Variants in PIAS1 observed in about 807,000 individuals in gnomAD.
PIAS1 encodes protein inhibitor of activated STAT 1, also known as E3 SUMO-protein ligase PIAS1.
PIAS1 carries 6 observed loss-of-function variants against 71.3 expected under a neutral mutation model. The observed-to-expected ratio is 0.08, with a 90% CI of 0.05 to 0.17. The LOEUF (loss-of-function observed/expected upper bound fraction) is 0.17. PIAS1 is among the 10% of genes least tolerant of loss of function. The pLI is 1.00. For missense variants in PIAS1, 555 were observed against 793.6 expected (o/e 0.70, Z 3.61); for synonymous variants, 303 against 292.9 (o/e 1.03, Z -0.35).
At chr15:68,114,001 G>A (rs2092543254) in intron 2 of PIAS1, among the ~76,000 whole-genome samples, 1 of 148,876 alleles carries the variant, frequency 6.7e-6, no homozygotes, top group Non-Finnish European at 1.5e-5. Flanking sequence ...TCTCTCTCTT[G>A]CTCTAGCAAA....
rs530456616 is a variant in PIAS1, at chr15:68,178,571, C to T, written c.1481+1917C>T. 2.6e-5 allele frequency among the ~76,000 whole-genome samples: 4 copies of T among 152,154 alleles called. No individual in the cohort carries two copies. The South Asian group carries it at 8.3e-4, about 32-fold the overall frequency. On this transcript the variant is annotated intron_variant, in intron 11 of 13. Coordinates refer to ENST00000249636, the MANE Select transcript of PIAS1 (RefSeq NM_016166.3). This position sits in a 1 kb window ranked among gnomAD's most constrained non-coding sequence, Gnocchi z 4.2. ...AACAAGTATCTATAGAATTTCAATT[C>T]CAAGATATTTTGTAAATATCAAACC...
rs543669365 is a variant in PIAS1, at chr15:68,174,330, C to A, written c.1169+438C>A. 1.4e-4 allele frequency among the ~76,000 whole-genome samples: 21 copies of A among 152,334 alleles called. No homozygotes were observed. Among genetic ancestry groups the A allele is most frequent in the African/African-American group, 4.6e-4 (19 of 41,570 alleles). ...TCTGGAGATTAGATCCACCTTCAGT[C>A]ATGGTCTTCTTTTTCTTTTTTGTCT... On this transcript the variant is annotated intron_variant, in intron 9 of 13. Coordinates refer to ENST00000249636, the MANE Select transcript of PIAS1 (RefSeq NM_016166.3). The surrounding 1 kb of genome is among the most constrained non-coding windows in gnomAD (Gnocchi z 4.0).
rs968104531 is a variant in PIAS1, at chr15:68,167,032, G to A, written c.1008+2228G>A. Among the ~76,000 whole-genome samples the A allele has an allele frequency of 6.6e-6, 1 of 152,052 alleles. No individual in the cohort carries two copies. The highest frequency in any genetic ancestry group is 1.5e-5 in the Non-Finnish European group (1 of 68,010). ...TGTAGAGACAAGGTCTTGATATGTTGCCCAGGCTGGTCATGGACTCCTGGC... is the reference window on the plus strand; with the variant it reads ...TGTAGAGACAAGGTCTTGATATGTTACCCAGGCTGGTCATGGACTCCTGGC... On this transcript the variant is annotated intron_variant, in intron 8 of 13. Transcript: ENST00000249636. This position sits in a 1 kb window ranked among gnomAD's most constrained non-coding sequence, Gnocchi z 4.4.
In PIAS1 at chr15:68,171,032, A is replaced by G. The variant is rs1277176991; in HGVS notation, c.1009-2700A>G. 6.8e-6 allele frequency among the ~76,000 whole-genome samples: 1 copy of G among 147,830 alleles called. No homozygotes were observed. ...TTAGCTTAAAACACAAGCACATTGT[A>G]CAGCTGTACAAAAATATTTTCTTTC... On this transcript the variant is annotated intron_variant, in intron 8 of 13. Transcript: ENST00000249636. This position sits in a 1 kb window ranked among gnomAD's most constrained non-coding sequence, Gnocchi z 4.4.
chr15:68,109,844 C>T (rs1445925920), intron 2 of PIAS1, among the ~76,000 whole-genome samples: 2 of 152,154 alleles, frequency 1.3e-5, no homozygotes, highest in Admixed American at 6.5e-5. Flanking sequence ...ACTGAATAAG[C>T]ACACAAGAAA....
chr15:68,139,637 G>T (rs2141044315), intron 2 of PIAS1, among the ~76,000 whole-genome samples: 1 of 152,134 alleles, frequency 6.6e-6, no homozygotes, highest in East Asian at 1.9e-4. Context: ...ATTATTATTT[G>T]TCAGTTAATT....
At chr15:68,107,719 G>T (rs550275194) in intron 2 of PIAS1, among the ~76,000 whole-genome samples, 1 of 151,746 alleles carries the variant, frequency 6.6e-6, no homozygotes, top group Non-Finnish European at 1.5e-5. Context: ...AGATAAGATG[G>T]TCATCAGTTA....
At position 68,176,672 on chromosome 15, in the gene PIAS1, T is replaced by TAA. The variant is rs762569797; in HGVS notation, c.1481+27_1481+28dup. 1.5e-5 allele frequency: 21 copies of TAA among 1,367,432 alleles called. No individual in the cohort carries two copies. Among genetic ancestry groups the TAA allele is most frequent in the South Asian group, 3.0e-5 (2 of 67,728 alleles). The allele number at this position is 1,367,432 out of a possible 1,614,324, so 84.7% of individuals were successfully genotyped here. A position where few individuals can be genotyped will look rare whatever the true frequency, so the allele number is the denominator to read the frequency against. On this transcript the variant is annotated intron_variant, in intron 11 of 13. Coordinates refer to ENST00000249636, the MANE Select transcript of PIAS1 (RefSeq NM_016166.3). ...AATAAAGGGTAAGTGCTGAGACATT[T>TAA]AAAAAAAAAAGTAATCATGAAAATT...
chr15:68,181,266 T>C lies in PIAS1; in HGVS notation c.1536T>C (p.Pro512=). The stretch of plus-strand genomic sequence containing the variant: ...CAGTATCCCGCACCCCAAGCCTTCC[T>C]GCTGTAGACACAAGCTACATTAATA... ...ASPVSRTPSL[P]AVDTSYINTS... is the part of the protein sequence containing the mutation. Residue 512 remains proline (P), a synonymous_variant, in exon 12 of 14, where the codon CCT becomes CCC. Transcript: ENST00000249636. 1 of 1,613,678 alleles carries C rather than the reference T, an allele frequency of 6.2e-7. No homozygotes were observed. The highest frequency in any genetic ancestry group is 8.5e-7 in the Non-Finnish European group (1 of 1,179,622).
At chr15:68,061,937 A>AC (rs1305078735) in intron 1 of PIAS1, among the ~76,000 whole-genome samples, 3 of 151,736 alleles carry the variant, frequency 2.0e-5, no homozygotes, top group African/African-American at 7.3e-5. Flanking sequence ...CTGTTTGTAC[A>AC]CCCCCCATTC....
At chr15:68,160,965 T>C (rs2092920279) in intron 7 of PIAS1, among the ~76,000 whole-genome samples, 2 of 152,122 alleles carry the variant, frequency 1.3e-5, no homozygotes, top group Admixed American at 1.3e-4. Flanking sequence ...CAAGGAAAAG[T>C]TTTAAAAAAG....
intron 6 of PIAS1, among the ~76,000 whole-genome samples, chr15:68,146,985 A>G (rs1200950915): frequency 6.6e-6 from 1 of 152,198 alleles, no homozygotes; most frequent in East Asian, 1.9e-4. Context: ...CAATATGAGT[A>G]TGCCATAAAT....
chr15:68,071,786 C>CA (rs1411500212), intron 1 of PIAS1, among the ~76,000 whole-genome samples: 3 of 150,468 alleles, frequency 2.0e-5, no homozygotes, highest in African/African-American at 7.3e-5. Context: ...GCCAACTCTA[C>CA]AAAAAACAGA....
At chr15:68,147,447 A>G (rs2092815986) in intron 6 of PIAS1, among the ~76,000 whole-genome samples, 1 of 152,160 alleles carries the variant, frequency 6.6e-6, no homozygotes, top group Non-Finnish European at 1.5e-5. Flanking sequence ...AGATCTTCAT[A>G]TAGTAAAACT....
chr15:68,054,492 G>A lies in PIAS1; in HGVS notation c.24+142G>A, dbSNP rs2091872487. Reference sequence around the variant, plus strand: ...GAGTTGTAGGGAGAGAGGCGCGCCCGGTCTCAGCAGAGGGGGCCCGCCTGC... The same window carrying A: ...GAGTTGTAGGGAGAGAGGCGCGCCCAGTCTCAGCAGAGGGGGCCCGCCTGC... On this transcript the variant is annotated intron_variant, in intron 1 of 13. Coordinates refer to ENST00000249636, the MANE Select transcript of PIAS1 (RefSeq NM_016166.3). This position sits in a 1 kb window ranked among gnomAD's most constrained non-coding sequence, Gnocchi z 4.6. 2 of 842,746 alleles carry A rather than the reference G, an allele frequency of 2.4e-6. No homozygotes were observed. Among genetic ancestry groups the A allele is most frequent in the Non-Finnish European group, 3.6e-6 (2 of 553,714 alleles). The allele number at this position is 842,746 out of a possible 1,614,324, so 52.2% of individuals were successfully genotyped here. A position where few individuals can be genotyped will look rare whatever the true frequency, so the allele number is the denominator to read the frequency against.
At chr15:68,105,590 C>G (rs1219177432) in intron 2 of PIAS1, among the ~76,000 whole-genome samples, 1 of 152,170 alleles carries the variant, frequency 6.6e-6, no homozygotes, top group Non-Finnish European at 1.5e-5. Flanking sequence ...CTTCCTTTCA[C>G]TTTGCTTTCC....
At chr15:68,161,456 T>C (rs1031805541) in intron 7 of PIAS1, among the ~76,000 whole-genome samples, 1 of 151,788 alleles carries the variant, frequency 6.6e-6, no homozygotes, top group Non-Finnish European at 1.5e-5. Context: ...AGGACTAGGA[T>C]TGGGTCTGTA....
At chr15:68,179,585 T>TTTTTTTTTTTTTTTTTTTTTTTTTC (rs2093041112) in intron 11 of PIAS1, among the ~76,000 whole-genome samples, 1 of 123,462 alleles carries the variant, frequency 8.1e-6, no homozygotes, top group African/African-American at 3.2e-5. Flanking sequence ...TTTTTTTTTT[T>TTTTTTTTTTTTTTTTTTTTTTTTTC]TTTTTTTGAG....
intron 1 of PIAS1, among the ~76,000 whole-genome samples, chr15:68,067,565 A>G (rs2092042399): frequency 6.6e-6 from 1 of 152,112 alleles, no homozygotes; most frequent in South Asian, 2.1e-4. Flanking sequence ...ACTGGAGGTC[A>G]TTGTAAACTT....
Sources: allele counts gnomAD v4.1 joint callset (sites outside exome capture counted in the v4.1 genomes callset), GRCh38; gene constraint gnomAD v4.1.1; non-coding constraint Gnocchi (gnomAD v3.1); transcripts MANE v1.5; gene names NCBI Gene and HGNC (gene_info 2026-07-23, HGNC 2026-07-21).